Variants in NXPH1 observed in about 807,000 individuals in gnomAD.
NXPH1 encodes neurexophilin 1, also known as neurexophilin-1.
In NXPH1, 5 loss-of-function variants were observed where a neutral mutation model predicts 23.7. That is an observed-to-expected ratio of 0.21 (90% CI 0.11 to 0.44). NXPH1 has a LOEUF of 0.44. Among genes scored for constraint, NXPH1 ranks in the 20% least tolerant of loss-of-function variants. The pLI, the probability that NXPH1 is intolerant of heterozygous loss-of-function variation, is 0.99. For synonymous variants in NXPH1, 144 were observed against 122.2 expected (o/e 1.18, Z -1.18); for missense variants, 324 against 321.6 (o/e 1.01, Z -0.06).
chr7:8,659,661 A>G lies in NXPH1; in HGVS notation c.55-91347A>G, dbSNP rs1317155121. Among the ~76,000 whole-genome samples, 5 of 152,186 alleles carry G rather than the reference A, an allele frequency of 3.3e-5. No individual in the cohort carries two copies. The East Asian group carries it at 9.6e-4, about 29-fold the overall frequency. ...ACGAGTTAATGGGTGCAGCATACCA[A>G]CATGGCACATGTGTACATATGTAAC... On this transcript the variant is annotated intron_variant, in intron 2 of 2. Coordinates refer to ENST00000405863, the MANE Select transcript of NXPH1 (RefSeq NM_152745.3).
intron 2 of NXPH1, among the ~76,000 whole-genome samples, chr7:8,731,994 C>T (rs552153569): frequency 6.6e-6 from 1 of 152,358 alleles, no homozygotes; most frequent in East Asian, 1.9e-4. Flanking sequence ...ATCAGCAAGA[C>T]TCCGCGGGCA....
rs77603916 is a variant in NXPH1, at chr7:8,697,638, C to T, written c.55-53370C>T. ...ATTAGTATATACATTTCAATTTGTA[C>T]ACCATTGATGAGATGGGGAGGATCA... is the stretch of plus-strand genomic sequence containing the variant. On this transcript the variant is annotated intron_variant, in intron 2 of 2. Transcript: ENST00000405863. Among the ~76,000 whole-genome samples, 41 of 152,164 alleles carry T rather than the reference C, an allele frequency of 2.7e-4. No homozygotes were observed. The East Asian group carries it at 7.7e-3, about 29-fold the overall frequency.
chr7:8,538,330 A>G (rs1244637468), intron 2 of NXPH1, among the ~76,000 whole-genome samples: 1 of 151,926 alleles, frequency 6.6e-6, no homozygotes, highest in Non-Finnish European at 1.5e-5. Context: ...TCCAACAATC[A>G]GAGCTAAACC....
intron 2 of NXPH1, among the ~76,000 whole-genome samples, chr7:8,595,123 C>G (rs1046108690): frequency 6.6e-6 from 1 of 151,966 alleles, no homozygotes; most frequent in Non-Finnish European, 1.5e-5. Context: ...TGGAAGCACA[C>G]TTTTATCTGT....
chr7:8,658,246 G>A (rs2115159253), intron 2 of NXPH1, among the ~76,000 whole-genome samples: 1 of 152,246 alleles, frequency 6.6e-6, no homozygotes, highest in East Asian at 1.9e-4. Context: ...CACTCTCTCA[G>A]TGCCTAAATT....
At chr7:8,586,165 A>G (rs1394030746) in intron 2 of NXPH1, among the ~76,000 whole-genome samples, 1 of 152,190 alleles carries the variant, frequency 6.6e-6, no homozygotes, top group Admixed American at 6.5e-5. Flanking sequence ...ACTAAATCAA[A>G]TGAAAATTTT....
At chr7:8,528,514 A>G (rs1365457703) in intron 2 of NXPH1, among the ~76,000 whole-genome samples, 1 of 152,250 alleles carries the variant, frequency 6.6e-6, no homozygotes, top group Non-Finnish European at 1.5e-5. Flanking sequence ...CAAGGCATAA[A>G]CCATATTGAA....
intron 2 of NXPH1, among the ~76,000 whole-genome samples, chr7:8,565,867 A>G (rs1271370953): frequency 6.6e-6 from 1 of 151,776 alleles, no homozygotes; most frequent in Admixed American, 6.6e-5. Context: ...ATTCAATAAC[A>G]AAGTTGTTAA....
chr7:8,448,262 G>A (rs1205939023), intron 2 of NXPH1, among the ~76,000 whole-genome samples: 4 of 152,192 alleles, frequency 2.6e-5, no homozygotes, highest in Non-Finnish European at 5.9e-5. Flanking sequence ...AGCTTAGAAA[G>A]GTGACTGGTA....
intron 2 of NXPH1, among the ~76,000 whole-genome samples, chr7:8,681,263 G>A (rs189844724): frequency 1.2e-4 from 18 of 152,210 alleles, no homozygotes; most frequent in African/African-American, 2.9e-4. Flanking sequence ...ATATATAAGC[G>A]TTTATCTTCC....
At chr7:8,743,840 T>G (rs979685773) in intron 2 of NXPH1, among the ~76,000 whole-genome samples, 1 of 151,802 alleles carries the variant, frequency 6.6e-6, no homozygotes, top group Non-Finnish European at 1.5e-5. Flanking sequence ...CCCACCACCG[T>G]GCCCGGCCAA....
At chr7:8,654,981 T>G (rs1820550425) in intron 2 of NXPH1, among the ~76,000 whole-genome samples, 1 of 152,128 alleles carries the variant, frequency 6.6e-6, no homozygotes, top group South Asian at 2.1e-4. Flanking sequence ...AAATTAAAAT[T>G]ATCCAGATTG....
At chr7:8,620,335 C>T (rs1008668416) in intron 2 of NXPH1, among the ~76,000 whole-genome samples, 10 of 152,106 alleles carry the variant, frequency 6.6e-5, no homozygotes, top group Admixed American at 2.6e-4. Flanking sequence ...CCCTTCCTAC[C>T]GACAGTTTGT....
At chr7:8,727,672 G>C (rs1449482405) in intron 2 of NXPH1, among the ~76,000 whole-genome samples, 1 of 152,034 alleles carries the variant, frequency 6.6e-6, no homozygotes, top group Non-Finnish European at 1.5e-5. Context: ...ATTTCTGAGG[G>C]CTCTGTTCTG....
chr7:8,675,302 T>C (rs888573827), intron 2 of NXPH1, among the ~76,000 whole-genome samples: 6 of 151,894 alleles, frequency 4.0e-5, no homozygotes, highest in Admixed American at 2.6e-4. Context: ...TAATAATTTT[T>C]ATTTTATTTT....
At chr7:8,462,666 A>C (rs2128607068) in intron 2 of NXPH1, among the ~76,000 whole-genome samples, 1 of 152,334 alleles carries the variant, frequency 6.6e-6, no homozygotes, top group East Asian at 1.9e-4. Context: ...TTTGTATCAG[A>C]GAAAATGCTG....
intron 2 of NXPH1, among the ~76,000 whole-genome samples, chr7:8,602,598 G>A (rs531399711): frequency 3.9e-5 from 6 of 152,164 alleles, no homozygotes; most frequent in African/African-American, 7.2e-5. Context: ...TTTATATTAA[G>A]CATAATTCTC....
At chr7:8,597,155 T>C (rs765588403) in intron 2 of NXPH1, among the ~76,000 whole-genome samples, 1 of 152,042 alleles carries the variant, frequency 6.6e-6, no homozygotes, top group Non-Finnish European at 1.5e-5. Flanking sequence ...ATACTAGTTA[T>C]GATAAATTTT....
chr7:8,678,010 T>A (rs1417690649), intron 2 of NXPH1, among the ~76,000 whole-genome samples: 1 of 152,108 alleles, frequency 6.6e-6, no homozygotes, highest in Non-Finnish European at 1.5e-5. Flanking sequence ...AATATAAACA[T>A]CTCAATGTTG....
Sources: allele counts gnomAD v4.1 joint callset (sites outside exome capture counted in the v4.1 genomes callset), GRCh38; gene constraint gnomAD v4.1.1; transcripts MANE v1.5; gene names NCBI Gene and HGNC (gene_info 2026-07-23, HGNC 2026-07-21).